Variants in DENND1A observed in about 807,000 individuals in gnomAD.
DENND1A encodes DENN domain containing 1A.
In DENND1A, 51 loss-of-function variants were observed where a neutral mutation model predicts 113.7. The observed-to-expected ratio is 0.45, with a 90% confidence interval of 0.36 to 0.57. The LOEUF is 0.57. Ranked by LOEUF, DENND1A falls within the 20% of genes least tolerant of loss-of-function variation. The pLI, the probability that DENND1A is intolerant of heterozygous loss-of-function variation, is 0.00. For missense variants in DENND1A, 1,258 were observed against 1,395.9 expected, an observed-to-expected ratio of 0.90 and a Z score of 1.57; for synonymous variants, 565 against 570.8, an observed-to-expected ratio of 0.99 and a Z score of 0.14.
intron 3 of DENND1A, among the ~76,000 whole-genome samples, chr9:123,790,773 A>C (rs1832876118): frequency 6.6e-6 from 1 of 152,168 alleles, no homozygotes; most frequent in Non-Finnish European, 1.5e-5. Context: ...GTACACACAT[A>C]TGCAAGAATA....
intron 2 of DENND1A, among the ~76,000 whole-genome samples, chr9:123,835,171 T>C (rs1403895777): frequency 1.4e-5 from 2 of 147,048 alleles, no homozygotes; most frequent in East Asian, 2.0e-4. Context: ...ATCAGGACAA[T>C]GAAACCAAAT....
At chr9:123,804,064 G>A (rs552303927) in intron 2 of DENND1A, among the ~76,000 whole-genome samples, 9 of 152,274 alleles carry the variant, frequency 5.9e-5, no homozygotes, top group Non-Finnish European at 7.4e-5. Flanking sequence ...TGTAACTCCC[G>A]CAATTCCCAC....
Position 123,414,273 on chromosome 9 carries a change from C to T in DENND1A, c.1489-2444G>A, listed in dbSNP as rs924342293. The T allele has an allele frequency of 1.4e-5, 18 of 1,329,356 alleles. 1 individual carries two copies. In the Admixed American group the frequency reaches 1.8e-4, roughly 13 times the overall value. The allele number at this position is 1,329,356 out of a possible 1,614,324, so 82.3% of individuals were successfully genotyped here. A position where few individuals can be genotyped will look rare whatever the true frequency, so the allele number is the denominator to read the frequency against. On this transcript the variant is annotated intron_variant, in intron 19 of 23. Transcript: ENST00000394215. ...TAGGAAGATTCAACGAGATGATGGA[C>T]GTCAGGTTCTTTGCACAGTGCCACC...
At chr9:123,600,337 CCTTCT>C (rs2059887608) in intron 11 of DENND1A, among the ~76,000 whole-genome samples, 1 of 152,082 alleles carries the variant, frequency 6.6e-6, no homozygotes, top group African/African-American at 2.4e-5. Context: ...TTTTCATGTA[CCTTCT>C]TATTTACTCC....
At chr9:123,921,304 T>C (rs979530595) in intron 1 of DENND1A, among the ~76,000 whole-genome samples, 6 of 152,146 alleles carry the variant, frequency 3.9e-5, no homozygotes, top group African/African-American at 1.4e-4. Flanking sequence ...ATTTATTAGC[T>C]TCCTTCCATA....
At chr9:123,484,252 T>A (rs1254995806) in intron 13 of DENND1A, among the ~76,000 whole-genome samples, 2 of 152,132 alleles carry the variant, frequency 1.3e-5, no homozygotes, top group Admixed American at 1.3e-4. Flanking sequence ...GACACAAAGA[T>A]CTGGGTTTAA....
chr9:123,440,695 A>G (rs950623326), intron 18 of DENND1A, among the ~76,000 whole-genome samples: 2 of 152,268 alleles, frequency 1.3e-5, no homozygotes, highest in African/African-American at 4.8e-5. Context: ...ATGTGAAGTT[A>G]TAAAGATAAC....
At chr9:123,522,118 GCAAATATATATAATAAACCTACCC>G (rs768756850) in intron 13 of DENND1A, among the ~76,000 whole-genome samples, 3 of 152,198 alleles carry the variant, frequency 2.0e-5, no homozygotes, top group Non-Finnish European at 4.4e-5. Flanking sequence ...CCCAACAATG[GCAAATATATATAATAAACCTACCC>G]CACAAATGTT....
intron 21 of DENND1A, among the ~76,000 whole-genome samples, chr9:123,395,325 GC>G (rs2043059112): frequency 6.6e-6 from 1 of 152,128 alleles, no homozygotes; most frequent in Non-Finnish European, 1.5e-5. Flanking sequence ...GTCTTCCGGG[GC>G]TGCTGCAGAT....
At chr9:123,745,435 T>C (rs1435972474) in intron 5 of DENND1A, among the ~76,000 whole-genome samples, 1 of 152,204 alleles carries the variant, frequency 6.6e-6, no homozygotes, top group Non-Finnish European at 1.5e-5. Flanking sequence ...AGCAAGGAGC[T>C]AGTGGCAGCA....
chr9:123,608,043 CAAAGGT>C (rs1249674227), intron 11 of DENND1A, among the ~76,000 whole-genome samples: 1 of 152,090 alleles, frequency 6.6e-6, no homozygotes, highest in African/African-American at 2.4e-5. Flanking sequence ...ACTTGACAAA[CAAAGGT>C]AAAACACAGA....
intron 4 of DENND1A, among the ~76,000 whole-genome samples, chr9:123,758,904 A>C (rs1204762798): frequency 6.6e-6 from 1 of 151,972 alleles, no homozygotes; most frequent in Non-Finnish European, 1.5e-5. Context: ...TGGTTCACAC[A>C]ATTCTCCTGC....
intron 11 of DENND1A, among the ~76,000 whole-genome samples, chr9:123,589,989 A>C (rs898211895): frequency 1.5e-4 from 23 of 152,360 alleles, no homozygotes; most frequent in African/African-American, 5.3e-4. Flanking sequence ...GGAGATCATA[A>C]CACCACCTAT....
intron 2 of DENND1A, among the ~76,000 whole-genome samples, chr9:123,838,785 C>T (rs1056295137): frequency 7.9e-5 from 12 of 152,180 alleles, no homozygotes; most frequent in Non-Finnish European, 1.3e-4. Flanking sequence ...CCTAGGAAAA[C>T]CTCATTCTGA....
At chr9:123,640,757 G>T (rs2061987548) in intron 9 of DENND1A, among the ~76,000 whole-genome samples, 1 of 152,222 alleles carries the variant, frequency 6.6e-6, no homozygotes, top group South Asian at 2.1e-4. Flanking sequence ...TGAGGTAGGT[G>T]TGAATACTAT....
intron 17 of DENND1A, 51 bp from the exon 18 acceptor site, chr9:123,450,800 G>A (rs770757401): frequency 6.8e-7 from 1 of 1,478,212 alleles, no homozygotes; most frequent in South Asian, 1.2e-5. Flanking sequence ...TTCCAGCAGG[G>A]ACTATGCTTG....
chr9:123,590,363 A>C (rs2059399147), intron 11 of DENND1A, among the ~76,000 whole-genome samples: 1 of 152,168 alleles, frequency 6.6e-6, no homozygotes, highest in African/African-American at 2.4e-5. Flanking sequence ...TGAATGAATG[A>C]GAGGCAGCAG....
intron 3 of DENND1A, among the ~76,000 whole-genome samples, chr9:123,791,269 C>G (rs935649333): frequency 2.0e-5 from 3 of 151,936 alleles, no homozygotes; most frequent in African/African-American, 4.8e-5. Context: ...GATTTTCCAG[C>G]CTTTATATAT....
At chr9:123,512,598 C>A (rs889021231) in intron 13 of DENND1A, among the ~76,000 whole-genome samples, 1 of 152,252 alleles carries the variant, frequency 6.6e-6, no homozygotes, top group Non-Finnish European at 1.5e-5. Flanking sequence ...GCAGCCAGCA[C>A]TGACAGAGCG....
Sources: gnomAD v4.1 joint callset for allele counts (sites outside exome capture counted in the v4.1 genomes callset) on GRCh38, gnomAD v4.1.1 for gene constraint, MANE v1.5 for transcripts, NCBI Gene and HGNC (gene_info 2026-07-23, HGNC 2026-07-21) for gene names.